Variants in SSH2 observed in about 807,000 individuals in gnomAD.
The protein encoded by SSH2 is slingshot protein phosphatase 2.
In SSH2, 37 loss-of-function variants were observed where a neutral mutation model predicts 135.2. That is an observed-to-expected ratio of 0.27 (90% CI 0.21 to 0.36). The LOEUF is 0.36. Among genes scored for constraint, SSH2 ranks in the 10% least tolerant of loss-of-function variants. The pLI, the probability that SSH2 is intolerant of heterozygous loss-of-function variation, is 1.00. For synonymous variants in SSH2, 628 were observed against 646.2 expected (o/e 0.97, Z 0.43); for missense variants, 1,408 against 1,765.3 (o/e 0.80, Z 3.63).
At chr17:29,762,127 C>T (rs898351522) in intron 3 of SSH2, among the ~76,000 whole-genome samples, 11 of 151,944 alleles carry the variant, frequency 7.2e-5, no homozygotes, top group African/African-American at 2.7e-4. Flanking sequence ...GTGATCCGCC[C>T]GTCTCGGCCT....
At chr17:29,924,064 CTTT>C in intron 1 of SSH2, among the ~76,000 whole-genome samples, 1 of 152,262 alleles carries the variant, frequency 6.6e-6, no homozygotes, top group East Asian at 1.9e-4. Context: ...TGGCACATGT[CTTT>C]TTTTATCTTT....
chr17:29,644,360 C>T (rs936219625), intron 14 of SSH2, among the ~76,000 whole-genome samples: 3 of 152,232 alleles, frequency 2.0e-5, no homozygotes, highest in Admixed American at 6.5e-5. Context: ...TATTGCTTGC[C>T]TCTGAAAGTG....
chr17:29,706,722 T>C (rs1197961121), intron 3 of SSH2, among the ~76,000 whole-genome samples: 2 of 152,370 alleles, frequency 1.3e-5, no homozygotes, highest in African/African-American at 2.4e-5. Flanking sequence ...CTTTGGACAC[T>C]GTGGGTTCCA....
intron 8 of SSH2, among the ~76,000 whole-genome samples, chr17:29,672,370 C>A (rs2037529703): frequency 6.6e-6 from 1 of 152,154 alleles, no homozygotes; most frequent in South Asian, 2.1e-4. Context: ...CGGGGAAGGA[C>A]AGCTGACAAC....
At chr17:29,677,556 G>T in intron 7 of SSH2, 117 bp downstream of exon 7, 1 of 814,378 alleles carries the variant, frequency 1.2e-6, no homozygotes, top group East Asian at 2.4e-5. Context: ...TCATTCAGCT[G>T]TTGACATGAA....
At chr17:29,884,409 G>A (rs144761907) in intron 1 of SSH2, among the ~76,000 whole-genome samples, 2 of 152,190 alleles carry the variant, frequency 1.3e-5, no homozygotes, top group South Asian at 4.1e-4. Flanking sequence ...CCTTACATAT[G>A]GGGGCTTTCA....
intron 1 of SSH2, among the ~76,000 whole-genome samples, chr17:29,870,323 A>G (rs1239661332): frequency 6.6e-6 from 1 of 151,770 alleles, no homozygotes; most frequent in African/African-American, 2.4e-5. Context: ...ATAGTATGTC[A>G]CCATTAGTGT....
At chr17:29,728,425 A>C (rs1301625469) in intron 3 of SSH2, among the ~76,000 whole-genome samples, 2 of 152,242 alleles carry the variant, frequency 1.3e-5, no homozygotes, top group Non-Finnish European at 2.9e-5. Flanking sequence ...AGGAAAACAT[A>C]TTCCATGTTC....
chr17:29,686,724 A>G (rs1425149368), intron 5 of SSH2, among the ~76,000 whole-genome samples: 2 of 151,786 alleles, frequency 1.3e-5, no homozygotes, highest in Admixed American at 6.6e-5. Context: ...GCTGGAGTGC[A>G]ATGGCGTGAT....
At chr17:29,829,103 G>A (rs1476961542) in intron 2 of SSH2, among the ~76,000 whole-genome samples, 1 of 152,090 alleles carries the variant, frequency 6.6e-6, no homozygotes, top group Non-Finnish European at 1.5e-5. Flanking sequence ...ACAAAAAGTG[G>A]GTGGATCTCA....
At chr17:29,711,628 T>G (rs1269757166) in intron 3 of SSH2, among the ~76,000 whole-genome samples, 1 of 152,214 alleles carries the variant, frequency 6.6e-6, no homozygotes, top group Non-Finnish European at 1.5e-5. Context: ...CCTACTCTCC[T>G]TTTGGGGAAT....
In SSH2 at chr17:29,701,517, C is replaced by T. The variant is rs79373446; in HGVS notation, c.292+1442G>A. On this transcript the variant is annotated intron_variant, in intron 4 of 15. Transcript: ENST00000540801. ...CTCAACCTCCCAGGCTCAAGTGACC[C>T]TCCCACCTCAGCCTCCCAGGTAGCT... 3.3e-5 allele frequency among the ~76,000 whole-genome samples: 5 copies of T among 151,838 alleles called. No individual in the cohort carries two copies. The East Asian group carries it at 9.7e-4, about 29-fold the overall frequency.
intron 1 of SSH2, among the ~76,000 whole-genome samples, chr17:29,913,347 A>AAAAAAAAAAAAAAAAAAATTATATATAT: frequency 3.5e-5 from 1 of 28,778 alleles, no homozygotes; most frequent in Non-Finnish European, 5.9e-5. Flanking sequence ...AAAAAAAAAA[A>AAAAAAAAAAAAAAAAAAATTATATATAT]ATATATATAT....
chr17:29,649,678 G>C (rs953822222), intron 13 of SSH2, among the ~76,000 whole-genome samples: 3 of 152,082 alleles, frequency 2.0e-5, no homozygotes, highest in Non-Finnish European at 4.4e-5. Flanking sequence ...CCACTTATTT[G>C]ACCTCTCTGA....
At chr17:29,788,407 C>T (rs1377105815) in intron 3 of SSH2, among the ~76,000 whole-genome samples, 1 of 152,130 alleles carries the variant, frequency 6.6e-6, no homozygotes, top group Admixed American at 6.5e-5. Context: ...TTGGACTCAG[C>T]AAATGGTGGA....
intron 3 of SSH2, chr17:29,761,208 C>A (rs758134583): frequency 7.0e-6 from 9 of 1,288,882 alleles, no homozygotes; most frequent in Non-Finnish European, 8.1e-6. Flanking sequence ...GGAATCATGT[C>A]GGGGCCACCG....
At chr17:29,928,810 T>TG (rs2067118675) in intron 1 of SSH2, among the ~76,000 whole-genome samples, 1 of 42,510 alleles carries the variant, frequency 2.4e-5, no homozygotes, top group Admixed American at 3.2e-4. Context: ...GGTAACCTGA[T>TG]GATTTTTTTA....
chr17:29,913,347 A>AAAAAAATTATATATATATAT, intron 1 of SSH2, among the ~76,000 whole-genome samples: 4 of 28,778 alleles, frequency 1.4e-4, no homozygotes, highest in East Asian at 2.2e-3. Context: ...AAAAAAAAAA[A>AAAAAAATTATATATATATAT]ATATATATAT....
intron 1 of SSH2, among the ~76,000 whole-genome samples, chr17:29,913,347 A>AAAAAAAAATTATATATAT: frequency 1.7e-4 from 5 of 28,776 alleles, no homozygotes; most frequent in Non-Finnish European, 1.8e-4. Flanking sequence ...AAAAAAAAAA[A>AAAAAAAAATTATATATAT]ATATATATAT....
Sources: allele counts gnomAD v4.1 joint callset (sites outside exome capture counted in the v4.1 genomes callset), GRCh38; gene constraint gnomAD v4.1.1; transcripts MANE v1.5; gene names NCBI Gene and HGNC (gene_info 2026-07-23, HGNC 2026-07-21).